The following EPB41L2 variants were observed in gnomAD, a reference collection of about 807,000 sequenced individuals.
EPB41L2 encodes erythrocyte membrane protein band 4.1 like 2.
A neutral mutation model predicts 113.0 loss-of-function variants in EPB41L2; 43 were observed. That is an observed-to-expected ratio of 0.38 (90% CI 0.30 to 0.49). EPB41L2 has a LOEUF of 0.49. Ranked by LOEUF, EPB41L2 falls within the 20% of genes least tolerant of loss-of-function variation. EPB41L2 has a pLI of 0.95. For synonymous variants in EPB41L2, 442 were observed against 436.7 expected (o/e 1.01, Z -0.15); for missense variants, 1,147 against 1,223.4 (o/e 0.94, Z 0.93).
chr6:130,970,708 C>T (rs1415560863), intron 1 of EPB41L2, among the ~76,000 whole-genome samples: 1 of 152,008 alleles, frequency 6.6e-6, no homozygotes, highest in Non-Finnish European at 1.5e-5. Context: ...TTTAATTCAT[C>T]CCAGAATAGA....
intron 1 of EPB41L2, among the ~76,000 whole-genome samples, chr6:131,002,976 C>G (rs1784678150): frequency 6.6e-6 from 1 of 152,166 alleles, no homozygotes; most frequent in South Asian, 2.1e-4. Flanking sequence ...GAAAAATGTT[C>G]TGGAATAGGT....
At chr6:131,048,053 G>A (rs1422873433) in intron 1 of EPB41L2, among the ~76,000 whole-genome samples, 2 of 146,494 alleles carry the variant, frequency 1.4e-5, no homozygotes, top group African/African-American at 5.2e-5. Context: ...GCAGAGAACT[G>A]CTTGAATCTG....
chr6:130,890,806 G>A (rs1195610362), intron 10 of EPB41L2, among the ~76,000 whole-genome samples: 2 of 152,076 alleles, frequency 1.3e-5, no homozygotes, highest in African/African-American at 4.8e-5. Context: ...CTAGCTATAA[G>A]CGCCAAGTAA....
rs900402601 is a variant in EPB41L2, at chr6:131,029,976, TCACAGTTTCACA to T, written c.-15+33167_-15+33178del. On this transcript the variant is annotated intron_variant, in intron 1 of 19. Transcript: ENST00000337057. ...GCTTTCCACACATGTACAGTTTCAA[TCACAGTTTCACA>T]CACACTAAAAACTATTCAGAACCAC... Among the ~76,000 whole-genome samples, 36 of 151,610 alleles carry T rather than the reference TCACAGTTTCACA, an allele frequency of 2.4e-4. No individual in the cohort carries two copies. The East Asian group carries it at 6.0e-3, about 25-fold the overall frequency.
chr6:130,954,599 A>T (rs1317825123), intron 3 of EPB41L2, among the ~76,000 whole-genome samples: 1 of 152,234 alleles, frequency 6.6e-6, no homozygotes, highest in Non-Finnish European at 1.5e-5. Flanking sequence ...ACATAAAATT[A>T]TAAGGTACTA....
chr6:131,032,370 G>A (rs984163481), intron 1 of EPB41L2, among the ~76,000 whole-genome samples: 4 of 151,990 alleles, frequency 2.6e-5, no homozygotes, highest in Admixed American at 1.3e-4. Flanking sequence ...AAAGACAAGT[G>A]CTACATAAAC....
intron 19 of EPB41L2, among the ~76,000 whole-genome samples, chr6:130,844,314 G>A (rs1776351103): frequency 6.6e-6 from 1 of 152,146 alleles, no homozygotes; most frequent in South Asian, 2.1e-4. Flanking sequence ...TGTAATCCCA[G>A]CATTTTGGGA....
At chr6:131,032,282 C>G (rs1346513919) in intron 1 of EPB41L2, among the ~76,000 whole-genome samples, 2 of 151,926 alleles carry the variant, frequency 1.3e-5, no homozygotes, top group Non-Finnish European at 2.9e-5. Flanking sequence ...TTTTTTCATC[C>G]CTAAAATGCA....
At chr6:130,863,962 A>G (rs1395351902) in intron 17 of EPB41L2, among the ~76,000 whole-genome samples, 4 of 152,220 alleles carry the variant, frequency 2.6e-5, no homozygotes, top group Non-Finnish European at 5.9e-5. Context: ...CTTAAAACTC[A>G]TTTATCAATA....
chr6:131,057,787 C>G (rs9398971), intron 1 of EPB41L2, among the ~76,000 whole-genome samples: 40,129 of 152,064 alleles, frequency 0.26, 5,523 homozygotes, highest in East Asian at 0.43. Context: ...CAAGAGGAAA[C>G]TGGTCTCTTC....
chr6:130,912,546 T>C (rs372816244), intron 4 of EPB41L2, among the ~76,000 whole-genome samples: 5 of 152,314 alleles, frequency 3.3e-5, no homozygotes, highest in South Asian at 2.1e-4. Flanking sequence ...GAGCATGGTC[T>C]AGTTTCATAT....
intron 3 of EPB41L2, among the ~76,000 whole-genome samples, chr6:130,940,868 T>C (rs1361004390): frequency 6.6e-6 from 1 of 152,202 alleles, no homozygotes; most frequent in Non-Finnish European, 1.5e-5. Flanking sequence ...GCTTTTGTAT[T>C]ACTTTTCAGA....
chr6:130,931,813 T>C (rs1238300959), intron 3 of EPB41L2, among the ~76,000 whole-genome samples: 1 of 152,174 alleles, frequency 6.6e-6, no homozygotes, highest in South Asian at 2.1e-4. Flanking sequence ...GTATGTTCCA[T>C]CTTTCTTGAG....
At chr6:130,958,806 T>C (rs1251762691) in intron 1 of EPB41L2, among the ~76,000 whole-genome samples, 1 of 152,222 alleles carries the variant, frequency 6.6e-6, no homozygotes, top group Non-Finnish European at 1.5e-5. Flanking sequence ...TAAAAGATTT[T>C]GTGTTATTTT....
intron 19 of EPB41L2, among the ~76,000 whole-genome samples, chr6:130,841,501 T>C (rs903561210): frequency 2.0e-5 from 3 of 151,676 alleles, no homozygotes; most frequent in Admixed American, 6.6e-5. Context: ...CGGCAAGGAG[T>C]AGAGGCAGGA....
intron 3 of EPB41L2, among the ~76,000 whole-genome samples, chr6:130,928,858 T>C (rs1039046582): frequency 3.9e-5 from 6 of 152,292 alleles, no homozygotes; most frequent in Admixed American, 1.3e-4. Flanking sequence ...ATGAGGGTAA[T>C]AGCTACCTCA....
chr6:131,027,661 C>G (rs907540433), intron 1 of EPB41L2, among the ~76,000 whole-genome samples: 1 of 152,136 alleles, frequency 6.6e-6, no homozygotes, highest in East Asian at 1.9e-4. Flanking sequence ...TTATATGAAA[C>G]TTTTATAACA....
intron 4 of EPB41L2, among the ~76,000 whole-genome samples, chr6:130,913,159 T>C (rs537879867): frequency 6.6e-5 from 10 of 152,194 alleles, no homozygotes; most frequent in Non-Finnish European, 2.9e-5. Flanking sequence ...ACAGTTTCTA[T>C]AGGGCATGGT....
At chr6:130,994,848 ATTGCCTCCTTT>A (rs1266510330) in intron 1 of EPB41L2, among the ~76,000 whole-genome samples, 1 of 152,136 alleles carries the variant, frequency 6.6e-6, no homozygotes, top group Non-Finnish European at 1.5e-5. Flanking sequence ...AGCGTATCCG[ATTGCCTCCTTT>A]GGAGAGGCTA....
Sources: allele counts gnomAD v4.1 joint callset (sites outside exome capture counted in the v4.1 genomes callset), GRCh38; gene constraint gnomAD v4.1.1; transcripts MANE v1.5; gene names NCBI Gene and HGNC (gene_info 2026-07-23, HGNC 2026-07-21).